The following CHRNA7 variants were observed in gnomAD, a reference collection of about 807,000 sequenced individuals.
CHRNA7 encodes the protein neuronal acetylcholine receptor subunit alpha-7.
A neutral mutation model predicts 48.0 loss-of-function variants in CHRNA7; 17 were observed. The observed-to-expected ratio is 0.35, with a 90% confidence interval of 0.24 to 0.53. CHRNA7 has a LOEUF of 0.53. CHRNA7 is among the 20% of genes least tolerant of loss of function. The probability of loss-of-function intolerance (pLI) is 0.92; values close to 1 mark genes in which losing one functional copy is unlikely to be tolerated. For missense variants in CHRNA7, 155 were observed against 577.7 expected (o/e 0.27, Z 7.50); for synonymous variants, 75 against 242.3 (o/e 0.31, Z 6.41).
chr15:32,152,917 G>GT (rs2051661261), intron 4 of CHRNA7, among the ~76,000 whole-genome samples: 1 of 149,388 alleles, frequency 6.7e-6, no homozygotes, highest in Non-Finnish European at 1.5e-5. Context: ...TGTGTGTGTG[G>GT]GTGTGTGTCC....
intron 4 of CHRNA7, among the ~76,000 whole-genome samples, chr15:32,151,694 A>G (rs976745028): frequency 2.0e-5 from 3 of 151,398 alleles, no homozygotes; most frequent in African/African-American, 4.9e-5. Context: ...TTTAATTTCC[A>G]TTTTTCTCTC....
chr15:32,076,192 T>C (rs892877233), intron 2 of CHRNA7, among the ~76,000 whole-genome samples: 1 of 152,208 alleles, frequency 6.6e-6, no homozygotes, highest in Non-Finnish European at 1.5e-5. Context: ...TTGGTTGATA[T>C]TGTTAAGTTT....
rs768786545 is a variant in CHRNA7, at chr15:32,030,619, T to C, written c.25T>C (p.Trp9Arg). 4.5e-6 allele frequency: 7 copies of C among 1,565,752 alleles called. No homozygotes were observed. The Admixed American group carries it at 1.2e-4, about 28-fold the overall frequency. The change falls in exon 1 of 10, where the codon TGG becomes CGG. Residue 9 changes from tryptophan to arginine, a missense_variant. Transcript: ENST00000306901. Reference sequence around the variant, plus strand: ...CATGCGCTGCTCGCCGGGAGGCGTCTGGCTGGCGCTGGCCGCGTCGCTCCT... The same window carrying C: ...CATGCGCTGCTCGCCGGGAGGCGTCCGGCTGGCGCTGGCCGCGTCGCTCCT... The part of the protein sequence containing the change: MRCSPGGV[W>R]LALAASLLHV...
At chr15:32,046,082 G>C (rs1036666740) in intron 2 of CHRNA7, among the ~76,000 whole-genome samples, 1 of 151,816 alleles carries the variant, frequency 6.6e-6, no homozygotes, top group Non-Finnish European at 1.5e-5. Flanking sequence ...TGGACATTTG[G>C]CTTGGTTCCA....
At chr15:32,107,864 C>T (rs1300562375) in intron 3 of CHRNA7, among the ~76,000 whole-genome samples, 8 of 152,112 alleles carry the variant, frequency 5.3e-5, no homozygotes, top group Admixed American at 3.9e-4. Context: ...TATCTAGGTG[C>T]CCAACCCTAA....
chr15:32,079,171 T>G (rs2050178588), intron 2 of CHRNA7, among the ~76,000 whole-genome samples: 1 of 152,206 alleles, frequency 6.6e-6, no homozygotes, highest in African/African-American at 2.4e-5. Context: ...AAGAGCCATT[T>G]ATGGCAGACC....
rs143561263 is a variant in CHRNA7, at chr15:32,087,254, T to G, written c.196-14049T>G. Among the ~76,000 whole-genome samples, 567 of 152,328 alleles carry G rather than the reference T, an allele frequency of 3.7e-3. 4 individuals carry two copies. Among genetic ancestry groups the G allele is most frequent in the African/African-American group, 0.013 (533 of 41,592 alleles). Reference sequence around the variant, plus strand: ...ATTTTGTTGTTCAAATTGTTTACTGTTTTTTACCACTAGGTACTTGTTAAA... The same window carrying G: ...ATTTTGTTGTTCAAATTGTTTACTGGTTTTTACCACTAGGTACTTGTTAAA... On this transcript the variant is annotated intron_variant, in intron 2 of 9. Coordinates refer to ENST00000306901, the MANE Select transcript of CHRNA7 (RefSeq NM_000746.6).
At chr15:32,122,926 C>T (rs985835225) in intron 4 of CHRNA7, among the ~76,000 whole-genome samples, 1 of 150,658 alleles carries the variant, frequency 6.6e-6, no homozygotes, top group African/African-American at 2.4e-5. Context: ...GAAACAGTAG[C>T]CTAGTAGAGG....
rs531124770 is a variant in CHRNA7, at chr15:32,044,812, A to G, written c.195+13775A>G. Among the ~76,000 whole-genome samples the G allele has an allele frequency of 5.3e-5, 8 of 152,344 alleles. 1 individual carries two copies. The South Asian group carries it at 1.7e-3, about 32-fold the overall frequency. ...CTAGGGATGCTACTAAATGACCTAT[A>G]GTGCATAGGGTGACTCCTCAAGAAA... is the stretch of plus-strand genomic sequence containing the variant. On this transcript the variant is annotated intron_variant, in intron 2 of 9. Coordinates refer to ENST00000306901, the MANE Select transcript of CHRNA7 (RefSeq NM_000746.6).
In CHRNA7 at chr15:32,072,231, T is replaced by C. The variant is rs1159076809; in HGVS notation, c.196-29072T>C. On this transcript the variant is annotated intron_variant, in intron 2 of 9. Transcript: ENST00000306901. ...TATGGAAAGTTGAACTTAAGAGTGA[T>C]AACCTAGGGCATCTGGCAAAGGACA... Among the ~76,000 whole-genome samples, 4 of 152,190 alleles carry C rather than the reference T, an allele frequency of 2.6e-5. No individual in the cohort carries two copies. The East Asian group carries it at 7.7e-4, about 29-fold the overall frequency.
chr15:32,057,077 A>G (rs2049799920), intron 2 of CHRNA7, among the ~76,000 whole-genome samples: 1 of 152,174 alleles, frequency 6.6e-6, no homozygotes, highest in African/African-American at 2.4e-5. Flanking sequence ...GGGGTGATGA[A>G]TTGGCTGCCT....
At chr15:32,083,115 C>T (rs1455778634) in intron 2 of CHRNA7, among the ~76,000 whole-genome samples, 1 of 152,076 alleles carries the variant, frequency 6.6e-6, no homozygotes, top group Admixed American at 6.5e-5. Context: ...AAATGTGTCC[C>T]CCAAAGTTCA....
intron 2 of CHRNA7, among the ~76,000 whole-genome samples, chr15:32,087,348 T>G (rs2050314027): frequency 6.6e-6 from 1 of 152,198 alleles, no homozygotes; most frequent in South Asian, 2.1e-4. Context: ...TTTTCCTTCT[T>G]TCTGGCTCTA....
At chr15:32,156,450 G>A (rs1176408279) in intron 5 of CHRNA7, 2 of 51,372 alleles carry the variant, frequency 3.9e-5, no homozygotes, top group African/African-American at 1.6e-4. Context: ...CCCTTCCTGC[G>A]TGCACTCTTT....
intron 4 of CHRNA7, among the ~76,000 whole-genome samples, chr15:32,136,899 G>T (rs1175089944): frequency 6.6e-6 from 1 of 150,532 alleles, no homozygotes; most frequent in Non-Finnish European, 1.5e-5. Flanking sequence ...GGGCGTGGTG[G>T]CGGGCGCCTG....
intron 4 of CHRNA7, among the ~76,000 whole-genome samples, chr15:32,133,204 G>A (rs1192050793): frequency 6.6e-6 from 1 of 152,240 alleles, no homozygotes; most frequent in African/African-American, 2.4e-5. Flanking sequence ...TCCTTCCACT[G>A]CTGGGGATAA....
Position 32,141,871 on chromosome 15 carries a change from G to A in CHRNA7, c.351-12036G>A, listed in dbSNP as rs1097653. On this transcript the variant is annotated intron_variant, in intron 4 of 9. Coordinates refer to ENST00000306901, the MANE Select transcript of CHRNA7 (RefSeq NM_000746.6). The stretch of plus-strand genomic sequence containing the variant: ...TACAATCATGTCGTCTGCAAACAGG[G>A]ACAATTTGACTTCCTCTTTTCCTAT... 7.1e-3 allele frequency among the ~76,000 whole-genome samples: 1,076 copies of A among 152,278 alleles called. 3 individuals carry two copies. Among genetic ancestry groups the A allele is most frequent in the Non-Finnish European group, 0.01 (688 of 68,026 alleles).
At chr15:32,086,794 G>A (rs1017728260) in intron 2 of CHRNA7, among the ~76,000 whole-genome samples, 2 of 152,140 alleles carry the variant, frequency 1.3e-5, no homozygotes, top group African/African-American at 4.8e-5. Flanking sequence ...TTTGTTGGAT[G>A]TTTTTATCCA....
intron 2 of CHRNA7, among the ~76,000 whole-genome samples, chr15:32,097,209 T>C (rs1346494363): frequency 1.3e-5 from 2 of 152,164 alleles, no homozygotes; most frequent in African/African-American, 2.4e-5. Flanking sequence ...GTGTGGACTC[T>C]GCTCCTCCAT....
Sources: allele counts gnomAD v4.1 joint callset (sites outside exome capture counted in the v4.1 genomes callset), GRCh38; gene constraint gnomAD v4.1.1; transcripts MANE v1.5; gene names NCBI Gene and HGNC (gene_info 2026-07-23, HGNC 2026-07-21).